DMD: variants seen among roughly 807,000 people sequenced by gnomAD.
DMD encodes dystrophin.
A neutral mutation model predicts 330.1 loss-of-function variants in DMD; 63 were observed. The observed-to-expected ratio is 0.19, with a 90% CI of 0.16 to 0.24. The LOEUF (loss-of-function observed/expected upper bound fraction) is 0.24. Ranked by LOEUF, DMD falls within the 10% of genes least tolerant of loss-of-function variation. The pLI is 1.00. For synonymous variants in DMD, 1,223 were observed against 959.8 expected (o/e 1.27, Z -5.07); for missense variants, 3,344 against 2,684.1 (o/e 1.25, Z -5.43).
intron 1 of DMD, among the ~76,000 whole-genome samples, chrX:33,331,921 AT>A (rs1305272802): frequency 8.9e-6 from 1 of 111,787 alleles, no homozygotes; most frequent in Non-Finnish European, 1.9e-5. Context: ...CAAAAGTAGT[AT>A]ATATATTGAA....
chrX:32,336,020 TATATATAACGTTATATATAACGTGTA>T (rs2097711992), intron 41 of DMD, among the ~76,000 whole-genome samples: 1 of 99,800 alleles, frequency 1.0e-5, no homozygotes, highest in Non-Finnish European at 2.1e-5. Context: ...ATATAACGTG[TATATATAACGTTATATATAACGTGTA>T]TATATAACGT....
At chrX:32,831,649 C>CGTGTGTGTGTGTGTGT (rs6151283) in intron 4 of DMD, among the ~76,000 whole-genome samples, 2 of 89,754 alleles carry the variant, frequency 2.2e-5, no homozygotes, top group African/African-American at 4.2e-5. Context: ...AAGATATTTA[C>CGTGTGTGTGTGTGTGT]GTGTGTGTGT....
intron 52 of DMD, among the ~76,000 whole-genome samples, chrX:31,726,240 G>A (rs1404475058): frequency 1.8e-5 from 2 of 112,030 alleles, no homozygotes; most frequent in Non-Finnish European, 3.8e-5. Flanking sequence ...ACATGGTGGT[G>A]GCTTGCACAC....
chrX:31,649,000 A>G (rs1199745445), intron 54 of DMD, among the ~76,000 whole-genome samples: 1 of 111,659 alleles, frequency 9.0e-6, no homozygotes, highest in Non-Finnish European at 1.9e-5. Context: ...TCTTTCTGAG[A>G]ATGATACAGA....
intron 52 of DMD, among the ~76,000 whole-genome samples, chrX:31,688,775 T>C (rs1296560028): frequency 1.8e-5 from 2 of 111,362 alleles, no homozygotes; most frequent in African/African-American, 6.5e-5. Context: ...TCCACCATGA[T>C]CAAGTGGGCT....
intron 4 of DMD, among the ~76,000 whole-genome samples, chrX:32,828,229 G>A (rs59647385): frequency 9.0e-6 from 1 of 110,869 alleles, no homozygotes; most frequent in East Asian, 2.8e-4. Context: ...ATATTCCTTT[G>A]GGTATATACC....
chrX:32,953,815 A>G (rs1170333192), intron 2 of DMD, among the ~76,000 whole-genome samples: 1 of 112,438 alleles, frequency 8.9e-6, no homozygotes, highest in Non-Finnish European at 1.9e-5. Context: ...ATGTGTTACC[A>G]AGAGGTTACA....
At chrX:31,853,164 G>C (rs1246640352) in intron 48 of DMD, among the ~76,000 whole-genome samples, 1 of 112,916 alleles carries the variant, frequency 8.9e-6, no homozygotes, top group Non-Finnish European at 1.9e-5. Flanking sequence ...GATTACAGGT[G>C]TGAGCCACTG....
intron 51 of DMD, among the ~76,000 whole-genome samples, chrX:31,734,704 G>C (rs771924114): frequency 9.0e-6 from 1 of 110,878 alleles, no homozygotes; most frequent in African/African-American, 3.3e-5. Context: ...TGTTCTCAAA[G>C]AGAAAACAAA....
intron 60 of DMD, among the ~76,000 whole-genome samples, chrX:31,351,627 G>A (rs192691314): frequency 3.3e-4 from 35 of 105,598 alleles, no homozygotes; most frequent in African/African-American, 1.2e-3. Flanking sequence ...TCGGGAAGCT[G>A]AGACAGGAGA....
rs2083895891 is a variant in DMD, at chrX:32,881,085, A to G, written c.94-31265T>C. On this transcript the variant is annotated intron_variant, in intron 2 of 78. Transcript: ENST00000357033. ...AACAGGTATGAAGCAGAAACCACGA[A>G]GGCAGCTGGCAAAAAATACCAGAGT... Among the ~76,000 whole-genome samples the G allele has an allele frequency of 2.7e-5, 3 of 112,885 alleles. No individual in the cohort carries two copies. In the Admixed American group the frequency reaches 2.8e-4, roughly 11 times the overall value.
chrX:32,007,076 G>A (rs2095666921), intron 44 of DMD, among the ~76,000 whole-genome samples: 1 of 70,245 alleles, frequency 1.4e-5, no homozygotes, highest in Non-Finnish European at 2.6e-5. Context: ...TGTGGGGTGG[G>A]GGGAGGGGGG....
At chrX:31,350,567 GATGAGTAA>G (rs928398467) in intron 60 of DMD, among the ~76,000 whole-genome samples, 1 of 107,541 alleles carries the variant, frequency 9.3e-6, no homozygotes, top group Non-Finnish European at 1.9e-5. Context: ...CAAACAAATG[GATGAGTAA>G]ATGAGTAAAT....
At chrX:32,297,825 T>G (rs1437285286) in intron 42 of DMD, among the ~76,000 whole-genome samples, 1 of 111,098 alleles carries the variant, frequency 9.0e-6, no homozygotes, top group Non-Finnish European at 1.9e-5. Context: ...AAGGCAGTTT[T>G]TAAGTAAAGA....
At chrX:31,383,928 C>G (rs887221870) in intron 60 of DMD, among the ~76,000 whole-genome samples, 3 of 111,827 alleles carry the variant, frequency 2.7e-5, no homozygotes, top group Non-Finnish European at 5.6e-5. Flanking sequence ...TTTGTGTGAC[C>G]TCATTCCTCC....
At chrX:31,676,664 C>T (rs960887385) in intron 53 of DMD, among the ~76,000 whole-genome samples, 3 of 111,979 alleles carry the variant, frequency 2.7e-5, no homozygotes, top group African/African-American at 9.7e-5. Flanking sequence ...TATGCATTCG[C>T]ATCACAACTC....
At chrX:33,194,860 G>C (rs903854900) in intron 1 of DMD, among the ~76,000 whole-genome samples, 1 of 111,196 alleles carries the variant, frequency 9.0e-6, no homozygotes, top group African/African-American at 3.3e-5. Context: ...ATATGTTAAC[G>C]TAATATACAA....
At chrX:32,705,937 T>C (rs1168658741) in intron 7 of DMD, among the ~76,000 whole-genome samples, 1 of 110,043 alleles carries the variant, frequency 9.1e-6, no homozygotes, top group Non-Finnish European at 1.9e-5. Context: ...GTATGTTTAC[T>C]GCAGCACTAT....
chrX:31,556,163 C>T (rs1432630501), intron 55 of DMD, among the ~76,000 whole-genome samples: 18 of 109,624 alleles, frequency 1.6e-4, no homozygotes, highest in African/African-American at 6.0e-4. Flanking sequence ...GTCAGGAGAT[C>T]GAGACCATCC....
Sources: allele counts gnomAD v4.1 joint callset (sites outside exome capture counted in the v4.1 genomes callset), GRCh38; gene constraint gnomAD v4.1.1; transcripts MANE v1.5; gene names NCBI Gene and HGNC (gene_info 2026-07-23, HGNC 2026-07-21).